Variants in CROT observed in about 807,000 individuals in gnomAD.
CROT encodes the protein carnitine O-octanoyltransferase, also known as peroxisomal carnitine O-octanoyltransferase.
In CROT, 84 loss-of-function variants were observed where a neutral mutation model predicts 89.2. The observed-to-expected ratio is 0.94, with a 90% CI of 0.79 to 1.13. The LOEUF is 1.13. Ranked by LOEUF, CROT falls within the 50% of genes most tolerant of loss-of-function variation. The pLI is 0.00. For missense variants in CROT, 711 were observed against 727.8 expected, an observed-to-expected ratio of 0.98 and a Z score of 0.27; for synonymous variants, 212 against 239.5, an observed-to-expected ratio of 0.89 and a Z score of 1.06.
At chr7:87,357,588 A>C in intron 3 of CROT, 1 of 1,170,486 alleles carries the variant, frequency 8.5e-7, no homozygotes, top group Non-Finnish European at 1.2e-6. Context: ...GAAGGAATTC[A>C]AGGTGAGTTG....
At chr7:87,352,587 T>G (rs1805903511) in intron 3 of CROT, among the ~76,000 whole-genome samples, 1 of 152,252 alleles carries the variant, frequency 6.6e-6, no homozygotes, top group South Asian at 2.1e-4. Flanking sequence ...TGTTCAGCTA[T>G]AGAGGCAGTT....
chr7:87,369,367 T>A lies in CROT; in HGVS notation c.548-9T>A. On this transcript the variant is annotated splice_polypyrimidine_tract_variant and intron_variant, in intron 6 of 17. Transcript: ENST00000331536. ...ATTTGAGTCTTGTGTTTTCTGTTTC[T>A]GTTTCCAGAGAGTGAAGGGCGTTCC... The A allele has an allele frequency of 6.3e-7, 1 of 1,585,772 alleles. No homozygotes were observed. Among genetic ancestry groups the A allele is most frequent in the Non-Finnish European group, 8.6e-7 (1 of 1,163,622 alleles).
In CROT at chr7:87,369,454, G is replaced by C. The variant is rs1283459118; in HGVS notation, c.626G>C (p.Gly209Ala). 8 of 1,612,708 alleles carry C rather than the reference G, an allele frequency of 5.0e-6. No homozygotes were observed. The East Asian group carries it at 1.8e-4, about 36-fold the overall frequency. ...TTTGTCTTTGATGTAATACATGAAGGATGTTTGGTCACCCCGCCAGAGCTT... is the reference window on the plus strand; with the variant it reads ...TTTGTCTTTGATGTAATACATGAAGCATGTTTGGTCACCCCGCCAGAGCTT... Reference protein sequence around the residue: ...RAFVFDVIHEGCLVTPPELLR... With the variant: ...RAFVFDVIHEACLVTPPELLR... Residue 209 changes from glycine (G) to alanine (A), a missense_variant, in exon 7 of 18, where the codon GGA (glycine) becomes GCA (alanine). By Grantham distance (60) the Gly-to-Ala change is moderately conservative. Transcript: ENST00000331536.
At position 87,345,762 on chromosome 7, in the gene CROT, G is replaced by T. The variant is rs1355957169; in HGVS notation, c.-118G>T. 9.8e-6 allele frequency: 3 copies of T among 304,920 alleles called. No individual in the cohort carries two copies. Among genetic ancestry groups the T allele is most frequent in the Non-Finnish European group, 1.2e-5 (2 of 167,170 alleles). The allele number at this position is 304,920 out of a possible 1,614,324, so 18.9% of individuals were successfully genotyped here. ...GCGGCGAGGCGCGGGCGGTGAGGAC[G>T]GACAGGTCCGTTGAAGCAGCATTCC... On this transcript the variant is annotated 5_prime_UTR_variant, in exon 1 of 18. Transcript: ENST00000331536.
At chr7:87,358,249 A>G (rs1388254023) in intron 3 of CROT, among the ~76,000 whole-genome samples, 3 of 151,858 alleles carry the variant, frequency 2.0e-5, no homozygotes, top group Admixed American at 2.0e-4. Flanking sequence ...AGGCGGAGGC[A>G]GGTAGATCAC....
intron 7 of CROT, 34 bp from the exon 8 acceptor site, chr7:87,375,598 A>G: frequency 6.6e-7 from 1 of 1,504,762 alleles, no homozygotes; most frequent in South Asian, 1.1e-5. Context: ...TTCTGCCTGT[A>G]CTCTTTTTTA....
chr7:87,388,018 G>A (rs1475722197), intron 13 of CROT, among the ~76,000 whole-genome samples: 1 of 152,106 alleles, frequency 6.6e-6, no homozygotes, highest in African/African-American at 2.4e-5. Flanking sequence ...CACAGTTTTG[G>A]TGGGTCTATT....
At chr7:87,397,291 C>T (rs1024907422) in intron 17 of CROT, among the ~76,000 whole-genome samples, 1 of 150,518 alleles carries the variant, frequency 6.6e-6, no homozygotes, top group African/African-American at 2.5e-5. Context: ...ATGGAGGTTG[C>T]AGTGAGCTGA....
rs778236203 is a variant in CROT at position 87,382,511 on chromosome 7, A to C, written c.1269A>C (p.Ala423=). The C allele has an allele frequency of 6.2e-7, 1 of 1,613,928 alleles. No homozygotes were observed. Among genetic ancestry groups the C allele is most frequent in the East Asian group, 2.2e-5 (1 of 44,852 alleles). ...ACCCGGATACGTTTATTCAGCTTGC[A>C]CTTCAGCTGGCCTATTACAGACTTC... ...MLHPDTFIQL[A]LQLAYYRLHG... is the part of the protein sequence containing the mutation. Residue 423 remains alanine (A), a synonymous_variant, in exon 13 of 18, where the codon GCA becomes GCC. Transcript: ENST00000331536.
intron 13 of CROT, among the ~76,000 whole-genome samples, chr7:87,383,713 T>G (rs967628306): frequency 6.6e-6 from 1 of 152,060 alleles, no homozygotes; most frequent in Non-Finnish European, 1.5e-5. Context: ...GCCAGGCTGG[T>G]CTCTAACTCC....
chr7:87,349,096 G>A lies in CROT; in HGVS notation c.28G>A (p.Glu10Lys). The A allele has an allele frequency of 6.2e-7, 1 of 1,605,066 alleles. No individual in the cohort carries two copies. The highest frequency in any genetic ancestry group is 8.5e-7 in the Non-Finnish European group (1 of 1,174,842). The change falls in exon 3 of 18, where the codon GAA becomes AAA. Residue 10 changes from glutamate (E) to lysine (K), a missense_variant. Transcript: ENST00000331536. MENQLAKST[E>K]ERTFQYQDSL... is the part of the protein sequence containing the mutation. ...GGAAAATCAATTGGCTAAATCAACTGAAGAACGAACATTTCAGTACCAGGA... is the reference window on the plus strand; with the variant it reads ...GGAAAATCAATTGGCTAAATCAACTAAAGAACGAACATTTCAGTACCAGGA...
rs142152283 is a variant in CROT, at chr7:87,361,393, G to C, written c.244G>C (p.Glu82Gln). ...TGATGTTCTCAATTTCTTTTAGCTG[G>C]AAGAGTGGTGGCTGAATGTTGCCTA... Reference protein sequence around the residue: ...ERAKGKRNWLEEWWLNVAYLD... With the variant: ...ERAKGKRNWLQEWWLNVAYLD... The change falls in exon 5 of 18, where the codon GAA (glutamate) becomes CAA (glutamine). Residue 82 changes from glutamate to glutamine, a missense_variant. Physicochemically the swap from Glu to Gln is conservative, Grantham distance 29. Transcript: ENST00000331536. 8 of 1,612,400 alleles carry C rather than the reference G, an allele frequency of 5.0e-6. No individual in the cohort carries two copies. Among genetic ancestry groups the C allele is most frequent in the African/African-American group, 1.3e-5 (1 of 74,848 alleles).
chr7:87,356,739 CA>C (rs2115819192), intron 3 of CROT, among the ~76,000 whole-genome samples: 1 of 152,246 alleles, frequency 6.6e-6, no homozygotes, highest in South Asian at 2.1e-4. Context: ...ATAGCAAGAA[CA>C]GGCTGGGCAC....
chr7:87,390,699 A>G lies in CROT; in HGVS notation c.1302-890A>G, dbSNP rs147912154. On this transcript the variant is annotated intron_variant, in intron 13 of 17. Transcript: ENST00000331536. ...CATTCTCCAACCCAGGAAAACAGATATCACCCTGGGGAACTTCTTAAATTA... is the reference window on the plus strand; with the variant it reads ...CATTCTCCAACCCAGGAAAACAGATGTCACCCTGGGGAACTTCTTAAATTA... 3.0e-3 allele frequency among the ~76,000 whole-genome samples: 460 copies of G among 152,318 alleles called. 3 individuals are homozygous for G. The highest frequency in any genetic ancestry group is 0.01 in the African/African-American group (431 of 41,574).
At chr7:87,376,061 C>A in intron 9 of CROT, 108 bp downstream of exon 9, 1 of 1,078,484 alleles carries the variant, frequency 9.3e-7, no homozygotes, top group Non-Finnish European at 1.3e-6. Context: ...GCTCTTGAAA[C>A]TTTTTCTTAG....
At chr7:87,348,554 A>T (rs1044244924) in intron 2 of CROT, among the ~76,000 whole-genome samples, 3 of 152,146 alleles carry the variant, frequency 2.0e-5, no homozygotes, top group Non-Finnish European at 4.4e-5. Context: ...CTATCTACCC[A>T]CTAAGATTTA....
In CROT at chr7:87,398,524, G is replaced by T; in HGVS notation, c.1719G>T (p.Arg573Ser). ...ATTAATCATTATTTATGCTTCACAG[G>T]TTTGTTGTGGCCTGTTCAGCCTGGA... ...YGFFYHIRDD[R>S]FVVACSAWKS... Residue 573 changes from arginine (R) to serine (S), a missense_variant and splice_region_variant, in exon 18 of 18, where the codon AGG (arginine) becomes AGT (serine). Coordinates refer to ENST00000331536, the MANE Select transcript of CROT (RefSeq NM_021151.4). The T allele has an allele frequency of 6.2e-7, 1 of 1,613,532 alleles. No homozygotes were observed. Among genetic ancestry groups the T allele is most frequent in the Non-Finnish European group, 8.5e-7 (1 of 1,179,848 alleles).
intron 3 of CROT, chr7:87,357,698 G>A (rs1806127761): frequency 1.6e-6 from 1 of 620,910 alleles, no homozygotes; most frequent in Non-Finnish European, 2.9e-6. Context: ...CTTATTTTAA[G>A]TTTTTCTTAT....
intron 17 of CROT, among the ~76,000 whole-genome samples, chr7:87,396,426 G>A (rs1477943071): frequency 3.9e-5 from 6 of 152,142 alleles, no homozygotes; most frequent in South Asian, 2.1e-4. Context: ...TCACAGAAGC[G>A]TTCTGATTAT....
Sources: allele counts gnomAD v4.1 joint callset (sites outside exome capture counted in the v4.1 genomes callset), GRCh38; gene constraint gnomAD v4.1.1; transcripts MANE v1.5; gene names NCBI Gene and HGNC (gene_info 2026-07-23, HGNC 2026-07-21).